Variants in SLC16A7 observed in about 807,000 individuals in gnomAD.
The protein encoded by SLC16A7 is solute carrier family 16 member 7, also known as monocarboxylate transporter 2.
In SLC16A7, 33 loss-of-function variants were observed where a neutral mutation model predicts 34.9. The ratio of observed to expected loss-of-function variants is 0.94; its 90% confidence interval spans 0.72 to 1.26. The LOEUF (loss-of-function observed/expected upper bound fraction) is 1.26, where lower values mean the gene tolerates loss of function less well. Among genes scored for constraint, SLC16A7 ranks in the 50% most tolerant of loss-of-function variants. The pLI is 0.00. For synonymous variants in SLC16A7, 201 were observed against 206.6 expected, an observed-to-expected ratio of 0.97 and a Z score of 0.23; for missense variants, 573 against 578.1, an observed-to-expected ratio of 0.99 and a Z score of 0.09.
intron 3 of SLC16A7, among the ~76,000 whole-genome samples, chr12:59,743,613 A>G (rs919684310): frequency 6.6e-6 from 1 of 152,224 alleles, no homozygotes; most frequent in Admixed American, 6.5e-5. Context: ...TGTCTAAATC[A>G]ATTTTCAAGT....
intron 1 of SLC16A7, among the ~76,000 whole-genome samples, chr12:59,620,547 C>T (rs1180432931): frequency 1.3e-5 from 2 of 151,902 alleles, no homozygotes; most frequent in Non-Finnish European, 2.9e-5. Context: ...TAAGGCCTTT[C>T]TAGTCACTCC....
At chr12:59,667,843 G>T (rs567342292) in intron 2 of SLC16A7, among the ~76,000 whole-genome samples, 1 of 152,318 alleles carries the variant, frequency 6.6e-6, no homozygotes, top group Admixed American at 6.5e-5. Flanking sequence ...TTCCCGGACG[G>T]GGTCCGTGCC....
chr12:59,760,826 C>G (rs1440892852), intron 3 of SLC16A7, among the ~76,000 whole-genome samples: 3 of 152,016 alleles, frequency 2.0e-5, no homozygotes, highest in Non-Finnish European at 4.4e-5. Flanking sequence ...CTGGAATTTT[C>G]CATTTAATAT....
chr12:59,634,468 G>A (rs1592415241), intron 1 of SLC16A7, among the ~76,000 whole-genome samples: 1 of 152,034 alleles, frequency 6.6e-6, no homozygotes, highest in East Asian at 1.9e-4. Context: ...TAGCCAAGGA[G>A]CAGGGTAGGG....
At chr12:59,731,981 A>G (rs950464974) in intron 3 of SLC16A7, among the ~76,000 whole-genome samples, 1 of 152,186 alleles carries the variant, frequency 6.6e-6, no homozygotes, top group African/African-American at 2.4e-5. Flanking sequence ...ATATTTATCA[A>G]TGACAAATTG....
chr12:59,710,834 A>G (rs558915762), intron 3 of SLC16A7, among the ~76,000 whole-genome samples: 139 of 152,316 alleles, frequency 9.1e-4, no homozygotes, highest in South Asian at 2.1e-3. Context: ...AGAAATGTTC[A>G]TGTATACAAA....
At chr12:59,619,592 G>T (rs900361203) in intron 1 of SLC16A7, among the ~76,000 whole-genome samples, 7 of 152,010 alleles carry the variant, frequency 4.6e-5, no homozygotes, top group Non-Finnish European at 8.8e-5. Flanking sequence ...CCTGCTGACA[G>T]ATTTTAAGAT....
At chr12:59,772,557 A>G (rs1882338374) in intron 4 of SLC16A7, among the ~76,000 whole-genome samples, 1 of 152,128 alleles carries the variant, frequency 6.6e-6, no homozygotes, top group Non-Finnish European at 1.5e-5. Context: ...AAGTCCATCT[A>G]TGAGGGATTT....
At chr12:59,600,948 A>T (rs1878652903) in intron 1 of SLC16A7, among the ~76,000 whole-genome samples, 1 of 152,232 alleles carries the variant, frequency 6.6e-6, no homozygotes, top group South Asian at 2.1e-4. Context: ...AACGACAGCT[A>T]CAAGATACTG....
chr12:59,650,174 A>G (rs1052795293), intron 1 of SLC16A7, among the ~76,000 whole-genome samples: 5 of 152,100 alleles, frequency 3.3e-5, no homozygotes, highest in Non-Finnish European at 5.9e-5. Flanking sequence ...GAGCACTTAA[A>G]TAACTGTAAC....
intron 1 of SLC16A7, among the ~76,000 whole-genome samples, chr12:59,635,282 A>G (rs1311523724): frequency 6.6e-6 from 1 of 152,024 alleles, no homozygotes; most frequent in African/African-American, 2.4e-5. Flanking sequence ...TACAGGTACA[A>G]AATGTACTAT....
chr12:59,783,751 A>C lies in SLC16A7; in HGVS notation c.*4072A>C, dbSNP rs969299269. The C allele has an allele frequency of 6.6e-6, 1 of 151,634 alleles. No individual in the cohort carries two copies. Among genetic ancestry groups the C allele is most frequent in the African/African-American group, 2.4e-5 (1 of 41,140 alleles). The allele number at this position is 151,634 out of a possible 1,614,324, so 9.4% of individuals were successfully genotyped here. On this transcript the variant is annotated 3_prime_UTR_variant, in exon 6 of 6. Coordinates refer to ENST00000547379, the MANE Select transcript of SLC16A7 (RefSeq NM_001270623.2). ...ACTACAACCTCTGCCTCCCAGGTTCAAGCAATTCTCCTGCCTCAGCCTCCC... is the reference window on the plus strand; with the variant it reads ...ACTACAACCTCTGCCTCCCAGGTTCCAGCAATTCTCCTGCCTCAGCCTCCC...
Position 59,678,914 on chromosome 12 carries a change from G to T in SLC16A7, c.-31+23664G>T, listed in dbSNP as rs528803893. Among the ~76,000 whole-genome samples the T allele has an allele frequency of 5.9e-5, 9 of 152,308 alleles. No homozygotes were observed. The East Asian group carries it at 1.7e-3, about 29-fold the overall frequency. On this transcript the variant is annotated intron_variant, in intron 2 of 5. Coordinates refer to ENST00000547379, the MANE Select transcript of SLC16A7 (RefSeq NM_001270623.2). ...TTGTTGATGCCCAAAGCCCAGAGGG[G>T]CTGAGGTGACAGGTGGCTGGCATGT...
chr12:59,660,155 T>TA (rs1491348491), intron 2 of SLC16A7, among the ~76,000 whole-genome samples: 3 of 152,026 alleles, frequency 2.0e-5, no homozygotes, highest in Non-Finnish European at 4.4e-5. Context: ...GATTTTTTTT[T>TA]AAAAAACTCT....
intron 3 of SLC16A7, among the ~76,000 whole-genome samples, chr12:59,712,270 T>G (rs963927178): frequency 6.6e-6 from 1 of 152,254 alleles, no homozygotes; most frequent in Non-Finnish European, 1.5e-5. Flanking sequence ...TCAAGCAATC[T>G]GTGCCAATAA....
At chr12:59,778,947 C>A (rs1388567414) in intron 5 of SLC16A7, among the ~76,000 whole-genome samples, 1 of 152,002 alleles carries the variant, frequency 6.6e-6, no homozygotes, top group Non-Finnish European at 1.5e-5. Flanking sequence ...ATAGAGAAAG[C>A]ACTTAGTAAA....
chr12:59,597,645 G>C (rs1878484595), intron 1 of SLC16A7, among the ~76,000 whole-genome samples: 1 of 152,276 alleles, frequency 6.6e-6, no homozygotes, highest in African/African-American at 2.4e-5. Flanking sequence ...TGAGGGTTGA[G>C]CAAAGTGACT....
intron 1 of SLC16A7, among the ~76,000 whole-genome samples, chr12:59,600,065 A>C (rs1050181104): frequency 3.9e-5 from 6 of 152,164 alleles, no homozygotes; most frequent in African/African-American, 1.4e-4. Flanking sequence ...GACCTCTTTA[A>C]GTCTCGGTTT....
At chr12:59,679,708 G>A (rs1870597521) in intron 2 of SLC16A7, among the ~76,000 whole-genome samples, 1 of 152,098 alleles carries the variant, frequency 6.6e-6, no homozygotes, top group Non-Finnish European at 1.5e-5. Context: ...TATTTCCAAA[G>A]TCTGGCACAG....
Sources: gnomAD v4.1 joint callset for allele counts (sites outside exome capture counted in the v4.1 genomes callset) on GRCh38, gnomAD v4.1.1 for gene constraint, MANE v1.5 for transcripts, NCBI Gene and HGNC (gene_info 2026-07-23, HGNC 2026-07-21) for gene names.